The following CLEC16A variants were observed in gnomAD, a reference collection of about 807,000 sequenced individuals.
CLEC16A encodes the protein C-type lectin domain containing 16A.
In CLEC16A, 51 loss-of-function variants were observed where a neutral mutation model predicts 109.5. The observed-to-expected ratio is 0.47, with a 90% CI of 0.37 to 0.59. The LOEUF (loss-of-function observed/expected upper bound fraction) is 0.59, where lower values mean the gene tolerates loss of function less well. Among genes scored for constraint, CLEC16A ranks in the 20% least tolerant of loss-of-function variants. The pLI, the probability that CLEC16A is intolerant of heterozygous loss-of-function variation, is 0.00. For missense variants in CLEC16A, 1,339 were observed against 1,394.0 expected, an observed-to-expected ratio of 0.96 and a Z score of 0.63; for synonymous variants, 673 against 564.2, an observed-to-expected ratio of 1.19 and a Z score of -2.73.
chr16:11,168,555 G>A (rs1053310100), intron 23 of CLEC16A, among the ~76,000 whole-genome samples: 3 of 152,222 alleles, frequency 2.0e-5, no homozygotes, highest in Admixed American at 6.5e-5. Context: ...GGCCATGCCC[G>A]GTGGGCAGCC....
intron 22 of CLEC16A, among the ~76,000 whole-genome samples, chr16:11,140,677 G>A (rs571528896): frequency 1.4e-4 from 21 of 152,254 alleles, no homozygotes; most frequent in East Asian, 9.7e-4. Context: ...TCAAGCTGCC[G>A]GACTTGAGCA....
chr16:11,148,856 T>C (rs1446382953), intron 22 of CLEC16A, among the ~76,000 whole-genome samples: 1 of 152,142 alleles, frequency 6.6e-6, no homozygotes, highest in Admixed American at 6.5e-5. Flanking sequence ...GCGCTTCAGC[T>C]CAGGCCCAGA....
intron 12 of CLEC16A, chr16:11,024,366 G>C: frequency 1.3e-5 from 2 of 156,492 alleles, no homozygotes; most frequent in East Asian, 3.7e-4. Context: ...TTTGAACCCA[G>C]ACAGTCTGGC....
At chr16:11,149,684 G>A (rs988194273) in intron 22 of CLEC16A, among the ~76,000 whole-genome samples, 1 of 152,048 alleles carries the variant, frequency 6.6e-6, no homozygotes, top group East Asian at 1.9e-4. Flanking sequence ...AGCTACTTGG[G>A]AAGCTGAGAC....
intron 19 of CLEC16A, among the ~76,000 whole-genome samples, chr16:11,104,582 G>A (rs576177751): frequency 6.6e-6 from 1 of 152,302 alleles, no homozygotes; most frequent in African/African-American, 2.4e-5. Context: ...CCAAGGGAAA[G>A]AGAAGATGTA....
intron 15 of CLEC16A, among the ~76,000 whole-genome samples, chr16:11,042,836 CTG>C (rs1336265288): frequency 6.6e-6 from 1 of 150,936 alleles, no homozygotes; most frequent in Non-Finnish European, 1.5e-5. Flanking sequence ...GACATTTTGT[CTG>C]TGTCTGTGCA....
intron 23 of CLEC16A, among the ~76,000 whole-genome samples, chr16:11,166,973 A>C (rs1379246083): frequency 6.6e-6 from 1 of 152,032 alleles, no homozygotes; most frequent in African/African-American, 2.4e-5. Context: ...TTTGTCCTTA[A>C]ATGTGGTGCG....
At chr16:11,101,323 A>C (rs1275056915) in intron 19 of CLEC16A, among the ~76,000 whole-genome samples, 1 of 152,144 alleles carries the variant, frequency 6.6e-6, no homozygotes, top group Non-Finnish European at 1.5e-5. Flanking sequence ...CACCCTCCGC[A>C]GCCTCACCCC....
At chr16:11,131,162 G>C (rs1479894215) in intron 22 of CLEC16A, among the ~76,000 whole-genome samples, 1 of 152,214 alleles carries the variant, frequency 6.6e-6, no homozygotes. Flanking sequence ...GCCAGTATGT[G>C]GGGGTGGGCA....
At chr16:11,149,309 T>G (rs1423228302) in intron 22 of CLEC16A, among the ~76,000 whole-genome samples, 1 of 152,212 alleles carries the variant, frequency 6.6e-6, no homozygotes, top group African/African-American at 2.4e-5. Context: ...GTATTAATTT[T>G]TGTGCATTAA....
chr16:11,033,650 C>A (rs971096142), intron 13 of CLEC16A, among the ~76,000 whole-genome samples: 1 of 152,152 alleles, frequency 6.6e-6, no homozygotes, highest in Admixed American at 6.5e-5. Context: ...CAAATCAGGT[C>A]CCAAGTGACC....
intron 14 of CLEC16A, chr16:11,041,589 G>C (rs569106171): frequency 6.6e-6 from 1 of 152,322 alleles, no homozygotes; most frequent in Non-Finnish European, 1.5e-5. Flanking sequence ...CTAGTTGGAA[G>C]AGAGATCTCG....
chr16:10,977,512 T>G lies in CLEC16A; in HGVS notation c.903+113T>G, dbSNP rs7197738. On this transcript the variant is annotated intron_variant, in intron 8 of 23. Coordinates refer to ENST00000409790, the MANE Select transcript of CLEC16A (RefSeq NM_015226.3). The stretch of plus-strand genomic sequence containing the variant: ...TTGCAAATCAGGACTGAGGTTTTTT[T>G]TTTGTTTGTTTGTTTTTAAAAGACG... 2,548 of 996,428 alleles carry G rather than the reference T, an allele frequency of 2.6e-3. 10 individuals are homozygous for G. Among genetic ancestry groups the G allele is most frequent in the South Asian group, 4.5e-3 (256 of 57,432 alleles). 61.7% of individuals were successfully genotyped at this position (996,428 alleles called of 1,614,324 possible).
chr16:11,152,135 C>T (rs189767708), intron 22 of CLEC16A, among the ~76,000 whole-genome samples: 3 of 152,224 alleles, frequency 2.0e-5, no homozygotes, highest in Admixed American at 2.0e-4. Flanking sequence ...GCAAGATGCG[C>T]GGAAGGATAA....
intron 22 of CLEC16A, among the ~76,000 whole-genome samples, chr16:11,148,439 A>C (rs1332324932): frequency 6.6e-6 from 1 of 152,122 alleles, no homozygotes; most frequent in Admixed American, 6.5e-5. Context: ...TTATTGAGCA[A>C]TTACTGCATA....
At chr16:11,095,725 TCACTTGAAC>T (rs1031721316) in intron 19 of CLEC16A, among the ~76,000 whole-genome samples, 9 of 146,686 alleles carry the variant, frequency 6.1e-5, no homozygotes, top group African/African-American at 2.0e-4. Context: ...GGCAAGAGAA[TCACTTGAAC>T]CCAGGAGGCA....
Position 11,020,342 on chromosome 16 carries a change from T to G in CLEC16A, c.1436+17T>G, listed in dbSNP as rs765440972. 6.3e-7 allele frequency: 1 copy of G among 1,594,294 alleles called. No individual in the cohort carries two copies. The highest frequency in any genetic ancestry group is 8.5e-7 in the Non-Finnish European group (1 of 1,170,510). On this transcript the variant is annotated intron_variant, in intron 12 of 23. Transcript: ENST00000409790. ...ATGGAGCAGGTAGCTGCCCGAGAGG[T>G]CGATGCTGAGTGCTCTCTCAGGGAA... is the stretch of plus-strand genomic sequence containing the variant.
At chr16:11,085,036 C>T (rs546123081) in intron 19 of CLEC16A, among the ~76,000 whole-genome samples, 8 of 152,174 alleles carry the variant, frequency 5.3e-5, no homozygotes, top group Non-Finnish European at 1.0e-4. Context: ...GAGAGAGAGT[C>T]GGAGTTTTGT....
chr16:11,029,970 C>T (rs1327704300), intron 13 of CLEC16A, among the ~76,000 whole-genome samples: 1 of 152,198 alleles, frequency 6.6e-6, no homozygotes, highest in Non-Finnish European at 1.5e-5. Context: ...TTTGTATAAA[C>T]AGAGTCATGC....
Sources: allele counts gnomAD v4.1 joint callset (sites outside exome capture counted in the v4.1 genomes callset), GRCh38; gene constraint gnomAD v4.1.1; transcripts MANE v1.5; gene names NCBI Gene and HGNC (gene_info 2026-07-23, HGNC 2026-07-21).